Variants in SAP30L observed in about 807,000 individuals in gnomAD.
SAP30L encodes SAP30 like.
Under a neutral mutation model 22.3 loss-of-function variants are expected in SAP30L, and 10 were observed. The observed-to-expected ratio is 0.45, with a 90% CI of 0.28 to 0.76. The LOEUF (loss-of-function observed/expected upper bound fraction) is 0.76. SAP30L is among the 30% of genes least tolerant of loss of function. The probability of loss-of-function intolerance (pLI) is 0.14; values close to 1 mark genes in which losing one functional copy is unlikely to be tolerated. For synonymous variants in SAP30L, 91 were observed against 94.1 expected (o/e 0.97, Z 0.19); for missense variants, 206 against 237.9 (o/e 0.87, Z 0.88).
rs949953536 is a variant in SAP30L, at chr5:154,460,824, A to G, written c.*4796A>G. ...TTTTTTCCCATTTTGTAACTGCCTTATTGAAAAGTAAGTGCCCTTCCATTC... is the reference window on the plus strand; with the variant it reads ...TTTTTTCCCATTTTGTAACTGCCTTGTTGAAAAGTAAGTGCCCTTCCATTC... On this transcript the variant is annotated 3_prime_UTR_variant, in exon 4 of 4. Coordinates refer to ENST00000297109, the MANE Select transcript of SAP30L (RefSeq NM_024632.6). 1 of 152,092 alleles carries G rather than the reference A, an allele frequency of 6.6e-6. No homozygotes were observed. Among genetic ancestry groups the G allele is most frequent in the Admixed American group, 6.5e-5 (1 of 15,268 alleles). 9.4% of individuals were successfully genotyped at this position (152,092 alleles called of 1,614,324 possible). A position where few individuals can be genotyped will look rare whatever the true frequency, so the allele number is the denominator to read the frequency against.
intron 2 of SAP30L, among the ~76,000 whole-genome samples, chr5:154,451,577 A>G (rs1410483860): frequency 6.6e-6 from 1 of 152,076 alleles, no homozygotes; most frequent in Non-Finnish European, 1.5e-5. Context: ...ATGCCTTTAG[A>G]GAGTGTATAA....
At chr5:154,450,612 C>G (rs78766785) in intron 1 of SAP30L, among the ~76,000 whole-genome samples, 112 of 152,258 alleles carry the variant, frequency 7.4e-4, no homozygotes, top group Non-Finnish European at 1.2e-3. Context: ...TTCTCATGCC[C>G]ACCCCCCTGA....
rs1031984238 is a variant in SAP30L, at chr5:154,456,457, G to A, written c.*429G>A. 5.5e-5 allele frequency: 9 copies of A among 162,630 alleles called. No homozygotes were observed. Among genetic ancestry groups the A allele is most frequent in the South Asian group, 4.8e-4 (3 of 6,190 alleles). The allele number at this position is 162,630 out of a possible 1,614,324, so 10.1% of individuals were successfully genotyped here. ...CTGGACTTGCATGCTGCCCGCTGGC[G>A]ACATAGATATCCCGCCCGCTTTGTT... On this transcript the variant is annotated 3_prime_UTR_variant, in exon 4 of 4. Transcript: ENST00000297109.
intron 3 of SAP30L, among the ~76,000 whole-genome samples, chr5:154,455,469 A>C (rs1477870714): frequency 6.6e-6 from 1 of 152,112 alleles, no homozygotes; most frequent in Admixed American, 6.5e-5. Flanking sequence ...TTAACCTCCC[A>C]AAGCATTGGG....
chr5:154,446,255 T>G lies in SAP30L; in HGVS notation c.-350T>G, dbSNP rs1219028969. Reference sequence around the variant, plus strand: ...ACCCCCTGGCAACCCAGGCCCGGAGTCCTTGGGGAGCGGCTGTTTCCTGGG... The same window carrying G: ...ACCCCCTGGCAACCCAGGCCCGGAGGCCTTGGGGAGCGGCTGTTTCCTGGG... On this transcript the variant is annotated 5_prime_UTR_variant, in exon 1 of 4. Transcript: ENST00000297109. The G allele has an allele frequency of 4.5e-6, 1 of 220,470 alleles. No individual in the cohort carries two copies. Among genetic ancestry groups the G allele is most frequent in the Non-Finnish European group, 8.9e-6 (1 of 112,912 alleles). 13.7% of individuals were successfully genotyped at this position (220,470 alleles called of 1,614,324 possible).
At position 154,446,727 on chromosome 5, in the gene SAP30L, C is replaced by A; in HGVS notation, c.123C>A (p.Pro41=). The A allele has an allele frequency of 6.2e-7, 1 of 1,605,898 alleles. No individual in the cohort carries two copies. Among genetic ancestry groups the A allele is most frequent in the Non-Finnish European group, 8.5e-7 (1 of 1,178,232 alleles). Residue 41 remains proline, a synonymous_variant, in exon 1 of 4, where the codon CCC becomes CCA. Coordinates refer to ENST00000297109, the MANE Select transcript of SAP30L (RefSeq NM_024632.6). ...AGGACGGCGAGCGCTGCGTCCGGCC[C>A]GCGGGCAACGCCTCCTTCAGCAAGA... ...LIEDGERCVR[P]AGNASFSKRV...
intron 2 of SAP30L, among the ~76,000 whole-genome samples, chr5:154,451,584 A>G (rs1757142609): frequency 6.6e-6 from 1 of 152,154 alleles, no homozygotes; most frequent in Non-Finnish European, 1.5e-5. Context: ...TAGAGAGTGT[A>G]TAATGGTTTG....
rs1199248857 is a variant in SAP30L, at chr5:154,459,823, A to T, written c.*3795A>T. ...GTTTTCATGGTTGCCCAGGGCTTGT[A>T]CCTTAGATTCCTGTAAGGACTTTGC... On this transcript the variant is annotated 3_prime_UTR_variant, in exon 4 of 4. Transcript: ENST00000297109. 2 of 152,206 alleles carry T rather than the reference A, an allele frequency of 1.3e-5. No individual in the cohort carries two copies. The highest frequency in any genetic ancestry group is 4.8e-5 in the African/African-American group (2 of 41,442). The allele number at this position is 152,206 out of a possible 1,614,324, so 9.4% of individuals were successfully genotyped here. A position where few individuals can be genotyped will look rare whatever the true frequency, so the allele number is the denominator to read the frequency against.
In SAP30L at chr5:154,456,114, ATAT is replaced by A. The variant is rs1178358357; in HGVS notation, c.*91_*93del. 6.5e-5 allele frequency: 90 copies of A among 1,379,082 alleles called. No homozygotes were observed. The highest frequency in any genetic ancestry group is 5.4e-5 in the Non-Finnish European group (56 of 1,029,312). The allele number at this position is 1,379,082 out of a possible 1,614,324, so 85.4% of individuals were successfully genotyped here. On this transcript the variant is annotated 3_prime_UTR_variant, in exon 4 of 4. Coordinates refer to ENST00000297109, the MANE Select transcript of SAP30L (RefSeq NM_024632.6). Reference sequence around the variant, plus strand: ...CATTTAAGCCCATAAAGACTGTTAAATATTATTGTAAATAAAAAAGTTTGAATG... The same window carrying A: ...CATTTAAGCCCATAAAGACTGTTAAATATTGTAAATAAAAAAGTTTGAATG...
At position 154,457,861 on chromosome 5, in the gene SAP30L, T is replaced by C. The variant is rs970290697; in HGVS notation, c.*1833T>C. ...ATGTGTTTAGAGATTCTCTCCCTGC[T>C]TACAGCTGAAGGATGTTGATACAGG... On this transcript the variant is annotated 3_prime_UTR_variant, in exon 4 of 4. Transcript: ENST00000297109. 6.6e-6 allele frequency: 1 copy of C among 152,166 alleles called. No homozygotes were observed. The highest frequency in any genetic ancestry group is 2.4e-5 in the African/African-American group (1 of 41,430). The allele number at this position is 152,166 out of a possible 1,614,324, so 9.4% of individuals were successfully genotyped here. A position where few individuals can be genotyped will look rare whatever the true frequency, so the allele number is the denominator to read the frequency against.
rs746809804 is a variant in SAP30L, at chr5:154,451,163, A to G, written c.274A>G (p.Thr92Ala). The G allele has an allele frequency of 3.7e-6, 6 of 1,614,214 alleles. No individual in the cohort carries two copies. The South Asian group carries it at 5.5e-5, about 15-fold the overall frequency. Residue 92 changes from threonine to alanine, a missense_variant, in exon 2 of 4, where the codon ACA becomes GCA. Physicochemically the swap from Thr to Ala is moderately conservative, Grantham distance 58. This residue lies in a region of SAP30L where 136 missense variants were observed against 187.4 expected (regional missense o/e 0.73). Transcript: ENST00000297109. Reference sequence around the variant, plus strand: ...TGTCCGAAATAAAAGGAAGAGGAAGACAAGTGACGATGGCGGAGATTCTCC... The same window carrying G: ...TGTCCGAAATAAAAGGAAGAGGAAGGCAAGTGACGATGGCGGAGATTCTCC... Reference protein sequence around the residue: ...QSVRNKRKRKTSDDGGDSPEH... With the variant: ...QSVRNKRKRKASDDGGDSPEH...
At chr5:154,454,727 G>A (rs1582044315) in intron 3 of SAP30L, among the ~76,000 whole-genome samples, 1 of 152,164 alleles carries the variant, frequency 6.6e-6, no homozygotes, top group East Asian at 1.9e-4. Flanking sequence ...TGGTGGAAGG[G>A]AAAGAATGAG....
rs1041103627 is a variant in SAP30L at position 154,456,096 on chromosome 5, G to GC, written c.*71dup. 4 of 1,510,492 alleles carry GC rather than the reference G, an allele frequency of 2.6e-6. No homozygotes were observed. The African/African-American group carries it at 5.6e-5, about 21-fold the overall frequency. 93.6% of individuals were successfully genotyped at this position (1,510,492 alleles called of 1,614,324 possible). A position where few individuals can be genotyped will look rare whatever the true frequency, so the allele number is the denominator to read the frequency against. ...CACAGGTGATATCTACTACATTTAAGCCCATAAAGACTGTTAAATATTATT... is the reference window on the plus strand; with the variant it reads ...CACAGGTGATATCTACTACATTTAAGCCCCATAAAGACTGTTAAATATTATT... On this transcript the variant is annotated 3_prime_UTR_variant, in exon 4 of 4. Coordinates refer to ENST00000297109, the MANE Select transcript of SAP30L (RefSeq NM_024632.6).
chr5:154,449,931 C>T (rs1757104582), intron 1 of SAP30L, among the ~76,000 whole-genome samples: 1 of 152,198 alleles, frequency 6.6e-6, no homozygotes, highest in Non-Finnish European at 1.5e-5. Flanking sequence ...AATCCAGCCA[C>T]ATGAAAGTGA....
chr5:154,452,728 C>T (rs1009623304), intron 2 of SAP30L, among the ~76,000 whole-genome samples: 6 of 130,534 alleles, frequency 4.6e-5, no homozygotes, highest in African/African-American at 8.4e-5. Context: ...TAGCAAAGAG[C>T]TATTTGAGGA....
At position 154,446,643 on chromosome 5, in the gene SAP30L, G is replaced by C. The variant is rs1024283186; in HGVS notation, c.39G>C (p.Gly13=). ...GFSTEEDSRE[G]PPAAPAAAAP... The stretch of plus-strand genomic sequence containing the variant: ...GCACGGAGGAGGACAGCCGCGAAGG[G>C]CCCCCCGCCGCCCCAGCTGCCGCCG... The change falls in exon 1 of 4, where the codon GGG becomes GGC. Residue 13 remains glycine, a synonymous_variant. Transcript: ENST00000297109. The C allele has an allele frequency of 3.3e-6, 5 of 1,530,106 alleles. No individual in the cohort carries two copies. The African/African-American group carries it at 4.2e-5, about 13-fold the overall frequency. 94.8% of individuals were successfully genotyped at this position (1,530,106 alleles called of 1,614,324 possible).
At chr5:154,453,971 G>A (rs1256158349) in intron 3 of SAP30L, among the ~76,000 whole-genome samples, 2 of 152,132 alleles carry the variant, frequency 1.3e-5, no homozygotes, top group Non-Finnish European at 2.9e-5. Flanking sequence ...AGGACCACAG[G>A]TGCACACCCC....
At chr5:154,455,756 T>G in intron 3 of SAP30L, 144 bp from the exon 4 acceptor site, 1 of 1,059,008 alleles carries the variant, frequency 9.4e-7, no homozygotes, top group Non-Finnish European at 1.3e-6. Flanking sequence ...GCACTCTGAG[T>G]TCCGCACATG....
At chr5:154,448,805 T>A (rs1002540560) in intron 1 of SAP30L, among the ~76,000 whole-genome samples, 28 of 152,210 alleles carry the variant, frequency 1.8e-4, no homozygotes. Flanking sequence ...AATGTAATAC[T>A]TCTGAGGTAG....
Sources: gnomAD v4.1 joint callset for allele counts (sites outside exome capture counted in the v4.1 genomes callset) on GRCh38, gnomAD v4.1.1 for gene constraint, gnomAD v4.1.1 regional missense constraint, MANE v1.5 for transcripts, NCBI Gene and HGNC (gene_info 2026-07-23, HGNC 2026-07-21) for gene names.